The following AGBL4 variants were observed in gnomAD, a reference collection of about 807,000 sequenced individuals.
AGBL4 encodes cytosolic carboxypeptidase 6.
Under a neutral mutation model 66.4 loss-of-function variants are expected in AGBL4, and 58 were observed. The observed-to-expected ratio is 0.87, with a 90% CI of 0.71 to 1.09. The LOEUF (loss-of-function observed/expected upper bound fraction) is 1.09. AGBL4 is among the 50% of genes least tolerant of loss of function. The pLI is 0.00. For synonymous variants in AGBL4, 234 were observed against 222.9 expected, an observed-to-expected ratio of 1.05 and a Z score of -0.44; for missense variants, 579 against 631.0, an observed-to-expected ratio of 0.92 and a Z score of 0.88.
At chr1:48,785,527 C>T (rs1333049661) in intron 6 of AGBL4, among the ~76,000 whole-genome samples, 1 of 152,138 alleles carries the variant, frequency 6.6e-6, no homozygotes, top group Non-Finnish European at 1.5e-5. Context: ...TCCCATTTTC[C>T]CTTAGCAACC....
chr1:48,616,792 A>T (rs1645326035), intron 9 of AGBL4, among the ~76,000 whole-genome samples: 1 of 152,204 alleles, frequency 6.6e-6, no homozygotes. Context: ...CCCAAGTCCT[A>T]CTACAGGGCA....
chr1:49,791,863 T>G (rs922093624), intron 2 of AGBL4, among the ~76,000 whole-genome samples: 2 of 152,152 alleles, frequency 1.3e-5, no homozygotes, highest in African/African-American at 4.8e-5. Context: ...CATATTGCAT[T>G]TCTGCCACCA....
intron 2 of AGBL4, among the ~76,000 whole-genome samples, chr1:49,767,381 G>A (rs1430006180): frequency 6.6e-6 from 1 of 151,806 alleles, no homozygotes; most frequent in African/African-American, 2.4e-5. Flanking sequence ...TGAAATTAAG[G>A]CAGAAATAAA....
chr1:48,767,336 A>G (rs1021741464), intron 6 of AGBL4, among the ~76,000 whole-genome samples: 2 of 152,212 alleles, frequency 1.3e-5, no homozygotes, highest in Non-Finnish European at 2.9e-5. Flanking sequence ...GATGTTCAAT[A>G]AATAGCAGCT....
In AGBL4 at chr1:48,893,299, G is replaced by C. The variant is rs181953930; in HGVS notation, c.595-26069C>G. Among the ~76,000 whole-genome samples the C allele has an allele frequency of 2.2e-4, 33 of 152,170 alleles. No individual in the cohort carries two copies. The East Asian group carries it at 6.0e-3, about 28-fold the overall frequency. On this transcript the variant is annotated intron_variant, in intron 5 of 13. Transcript: ENST00000371839. ...AATTTATGTGTTGAACTCCTACCCTGCAATGTGACGGTCTTAGGAAGTGGG... is the reference window on the plus strand; with the variant it reads ...AATTTATGTGTTGAACTCCTACCCTCCAATGTGACGGTCTTAGGAAGTGGG...
At chr1:49,207,543 T>TTC (rs773143118) in intron 4 of AGBL4, among the ~76,000 whole-genome samples, 9 of 8,080 alleles carry the variant, frequency 1.1e-3, no homozygotes, top group African/African-American at 2.9e-3. Context: ...TTTTCTTTCT[T>TTC]TTCTTTCTTT....
In AGBL4 at chr1:49,700,332, TAGATAGATAGAC is replaced by T. The variant is rs956024398; in HGVS notation, c.158-2907_158-2896del. ...ATAGATAGATAGATAGATAGATAGA[TAGATAGATAGAC>T]AGATAGATCTTTAAAGTATGTAAGT... On this transcript the variant is annotated intron_variant, in intron 2 of 13. Transcript: ENST00000371839. 1.4e-4 allele frequency among the ~76,000 whole-genome samples: 20 copies of T among 146,256 alleles called. No individual in the cohort carries two copies. In the East Asian group the frequency reaches 3.0e-3, roughly 22 times the overall value.
chr1:49,896,684 T>C (rs1250265368), intron 1 of AGBL4, among the ~76,000 whole-genome samples: 2 of 146,166 alleles, frequency 1.4e-5, no homozygotes, highest in African/African-American at 2.5e-5. Context: ...TGAACAAAAA[T>C]TGATGCAAAA....
At chr1:48,740,376 C>G (rs897023013) in intron 6 of AGBL4, among the ~76,000 whole-genome samples, 1 of 152,070 alleles carries the variant, frequency 6.6e-6, no homozygotes, top group African/African-American at 2.4e-5. Context: ...ATAGAGGAGT[C>G]CCTTCTCTGG....
rs4926790 is a variant in AGBL4 at position 49,072,860 on chromosome 1, C to A, written c.378-27060G>T. Among the ~76,000 whole-genome samples the A allele has an allele frequency of 4.3e-3, 656 of 152,286 alleles. 16 individuals are homozygous for A. Among genetic ancestry groups the A allele is most frequent in the Admixed American group, 0.04 (614 of 15,298 alleles). ...GTTTTCCAACTTGTTTCCATTCTCCCCGTCACTTTCAGGTTCACCAATCAA... is the reference window on the plus strand; with the variant it reads ...GTTTTCCAACTTGTTTCCATTCTCCACGTCACTTTCAGGTTCACCAATCAA... On this transcript the variant is annotated intron_variant, in intron 4 of 13. Transcript: ENST00000371839.
chr1:49,186,568 G>A, intron 4 of AGBL4, among the ~76,000 whole-genome samples: 1 of 152,116 alleles, frequency 6.6e-6, no homozygotes, highest in Non-Finnish European at 1.5e-5. Flanking sequence ...ACACATTGCG[G>A]GTTCAATAAA....
chr1:49,948,046 A>G (rs1332079973), intron 1 of AGBL4, among the ~76,000 whole-genome samples: 1 of 6,088 alleles, frequency 1.6e-4, no homozygotes, highest in Non-Finnish European at 5.0e-4. Context: ...ACATATAAAT[A>G]TATAAATATA....
chr1:49,568,378 T>C (rs1644256713), intron 3 of AGBL4, among the ~76,000 whole-genome samples: 1 of 138,376 alleles, frequency 7.2e-6, no homozygotes, highest in African/African-American at 2.6e-5. Context: ...AACGCAATAC[T>C]ATTCACAATT....
chr1:48,874,276 T>C (rs1649004458), intron 5 of AGBL4, among the ~76,000 whole-genome samples: 1 of 152,000 alleles, frequency 6.6e-6, no homozygotes, highest in South Asian at 2.1e-4. Context: ...CCCCCAGCCA[T>C]AGTCACTTTC....
At chr1:49,068,329 C>A (rs1644530793) in intron 4 of AGBL4, among the ~76,000 whole-genome samples, 1 of 151,672 alleles carries the variant, frequency 6.6e-6, no homozygotes, top group South Asian at 2.1e-4. Flanking sequence ...TTGCTGCACC[C>A]ATCAACTCAT....
At chr1:48,688,628 G>A (rs1646571825) in intron 6 of AGBL4, among the ~76,000 whole-genome samples, 1 of 152,110 alleles carries the variant, frequency 6.6e-6, no homozygotes, top group South Asian at 2.1e-4. Context: ...TGCAGGAAAG[G>A]TCTGAACATT....
intron 4 of AGBL4, among the ~76,000 whole-genome samples, chr1:49,050,546 C>G (rs540741314): frequency 6.6e-6 from 1 of 152,204 alleles, no homozygotes; most frequent in African/African-American, 2.4e-5. Context: ...TGTACTCTCT[C>G]TAGTGAAACT....
At chr1:49,355,768 T>C (rs1053573085) in intron 3 of AGBL4, among the ~76,000 whole-genome samples, 2 of 152,230 alleles carry the variant, frequency 1.3e-5, no homozygotes, top group Non-Finnish European at 2.9e-5. Flanking sequence ...TGCTATTCCC[T>C]TCACTTAGAA....
chr1:49,141,631 C>A (rs909432386), intron 4 of AGBL4, among the ~76,000 whole-genome samples: 1 of 151,946 alleles, frequency 6.6e-6, no homozygotes, highest in African/African-American at 2.4e-5. Flanking sequence ...GCTAGTGTGG[C>A]TAGAGTTTAT....
Sources: allele counts gnomAD v4.1 joint callset (sites outside exome capture counted in the v4.1 genomes callset), GRCh38; gene constraint gnomAD v4.1.1; transcripts MANE v1.5; gene names NCBI Gene and HGNC (gene_info 2026-07-23, HGNC 2026-07-21).